CRKL: variants seen among roughly 807,000 people sequenced by gnomAD.
CRKL encodes the protein CRK like proto-oncogene, adaptor protein, also known as crk-like protein.
A neutral mutation model predicts 23.0 loss-of-function variants in CRKL; 3 were observed. That is an observed-to-expected ratio of 0.13 (90% confidence interval 0.06 to 0.34). The LOEUF (loss-of-function observed/expected upper bound fraction) is 0.34, where lower values mean the gene tolerates loss of function less well. Ranked by LOEUF, CRKL falls within the 10% of genes least tolerant of loss-of-function variation. CRKL has a pLI of 1.00. For synonymous variants in CRKL, 188 were observed against 160.7 expected, an observed-to-expected ratio of 1.17 and a Z score of -1.28; for missense variants, 256 against 394.5, an observed-to-expected ratio of 0.65 and a Z score of 2.97.
At chr22:20,921,642 A>AAAAG (rs952300095) in intron 1 of CRKL, among the ~76,000 whole-genome samples, 12 of 152,254 alleles carry the variant, frequency 7.9e-5, no homozygotes, top group Admixed American at 5.9e-4. Context: ...AAGTTTAGGG[A>AAAAG]AAAGCTTATG....
chr22:20,941,519 G>GTATA (rs71186699), intron 2 of CRKL, among the ~76,000 whole-genome samples: 2 of 21,720 alleles, frequency 9.2e-5, no homozygotes, highest in African/African-American at 1.7e-4. Context: ...TTGTGTATGT[G>GTATA]TATATATATA....
rs2147906249 is a variant in CRKL, at chr22:20,934,264, G to A, written c.777+20G>A. The A allele has an allele frequency of 1.3e-6, 2 of 1,577,258 alleles. No individual in the cohort carries two copies. Among genetic ancestry groups the A allele is most frequent in the East Asian group, 2.3e-5 (1 of 44,406 alleles). On this transcript the variant is annotated intron_variant, in intron 2 of 2. Transcript: ENST00000354336. ...TTAGAGGTAAAATCTGTTCAGATTA[G>A]CTTTTTGGGTCCTTTGACATTTGGT...
intron 1 of CRKL, among the ~76,000 whole-genome samples, chr22:20,919,897 G>A (rs1299819011): frequency 6.6e-6 from 1 of 151,948 alleles, no homozygotes; most frequent in Non-Finnish European, 1.5e-5. Flanking sequence ...GAACTAAATG[G>A]ACTTTAAAAG....
Position 20,937,749 on chromosome 22 carries a change from GGTTT to G in CRKL, c.777+3511_777+3514del, listed in dbSNP as rs1314333340. On this transcript the variant is annotated intron_variant, in intron 2 of 2. Transcript: ENST00000354336. Reference sequence around the variant, plus strand: ...CCCAGCCAGCTGAGCTTCAGCCAAGGGTTTGTTTGGTGCTTGACTGAGAGAGAAT... The same window carrying G: ...CCCAGCCAGCTGAGCTTCAGCCAAGGGTTTGGTGCTTGACTGAGAGAGAAT... Among the ~76,000 whole-genome samples the G allele has an allele frequency of 3.8e-4, 58 of 152,046 alleles. 1 individual carries two copies. The highest frequency in any genetic ancestry group is 2.2e-4 in the Non-Finnish European group (15 of 68,002).
In CRKL at chr22:20,948,730, G is replaced by C. The variant is rs140919569; in HGVS notation, c.778-981G>C. Among the ~76,000 whole-genome samples the C allele has an allele frequency of 1.7e-3, 266 of 152,194 alleles. 4 individuals are homozygous for C. In the East Asian group the frequency reaches 0.045, roughly 25 times the overall value. On this transcript the variant is annotated intron_variant, in intron 2 of 2. Transcript: ENST00000354336. ...GCGCCGGCTGGTCTCAAACTCCTGG[G>C]CTCAAGCAGTCCTCCCACCTCAGTC... is the stretch of plus-strand genomic sequence containing the variant.
chr22:20,925,901 G>C (rs892144559), intron 1 of CRKL, among the ~76,000 whole-genome samples: 2 of 152,174 alleles, frequency 1.3e-5, no homozygotes, highest in African/African-American at 4.8e-5. Flanking sequence ...CTCACTGCTA[G>C]ACTCTTGGAA....
At chr22:20,936,313 C>T (rs1411997542) in intron 2 of CRKL, among the ~76,000 whole-genome samples, 1 of 152,068 alleles carries the variant, frequency 6.6e-6, no homozygotes, top group African/African-American at 2.4e-5. Context: ...GGGTATTTTT[C>T]CATAGGTTGT....
Position 20,953,489 on chromosome 22 carries a change from C to T in CRKL, c.*3644C>T. The T allele has an allele frequency of 4.3e-6, 1 of 231,186 alleles. No individual in the cohort carries two copies. 14.3% of individuals were successfully genotyped at this position (231,186 alleles called of 1,614,324 possible). A position where few individuals can be genotyped will look rare whatever the true frequency, so the allele number is the denominator to read the frequency against. On this transcript the variant is annotated 3_prime_UTR_variant, in exon 3 of 3. Coordinates refer to ENST00000354336, the MANE Select transcript of CRKL (RefSeq NM_005207.4). ...TGACCTGTAACTTAAAGATCATAAA[C>T]TTCAGGCAATAATATTTTCTGTGTA...
At position 20,949,862 on chromosome 22, in the gene CRKL, T is replaced by C. The variant is rs1385985046; in HGVS notation, c.*17T>C. On this transcript the variant is annotated 3_prime_UTR_variant, in exon 3 of 3. Transcript: ENST00000354336. ...AACGAGTGATTGCTGTTGCCCTGTTTCCTGCTGCTTTGTTGTTCTGCCTGT... is the reference window on the plus strand; with the variant it reads ...AACGAGTGATTGCTGTTGCCCTGTTCCCTGCTGCTTTGTTGTTCTGCCTGT... The C allele has an allele frequency of 6.3e-7, 1 of 1,597,458 alleles. No homozygotes were observed. The highest frequency in any genetic ancestry group is 1.8e-5 in the Admixed American group (1 of 55,760).
Position 20,952,503 on chromosome 22 carries a change from T to C in CRKL, c.*2658T>C. The C allele has an allele frequency of 4.3e-6, 1 of 231,692 alleles. No individual in the cohort carries two copies. Among genetic ancestry groups the C allele is most frequent in the Non-Finnish European group, 8.6e-6 (1 of 116,834 alleles). The allele number at this position is 231,692 out of a possible 1,614,324, so 14.4% of individuals were successfully genotyped here. On this transcript the variant is annotated 3_prime_UTR_variant, in exon 3 of 3. Transcript: ENST00000354336. ...AACGGACTTACAACCTTGTCAGTTT[T>C]TTTAATGAGGCAGGGATACTCTGTT...
At chr22:20,927,003 T>A (rs1921227973) in intron 1 of CRKL, among the ~76,000 whole-genome samples, 1 of 148,318 alleles carries the variant, frequency 6.7e-6, no homozygotes, top group South Asian at 2.1e-4. Context: ...TCCCAGCTAC[T>A]CGGGAGGCTG....
chr22:20,933,541 G>A (rs1397474369), intron 1 of CRKL, among the ~76,000 whole-genome samples: 3 of 151,524 alleles, frequency 2.0e-5, no homozygotes, highest in African/African-American at 4.9e-5. Flanking sequence ...GGTAGTGGGC[G>A]CCTGTAATCC....
In CRKL at chr22:20,950,478, A is replaced by G. The variant is rs571739083; in HGVS notation, c.*633A>G. 1.2e-3 allele frequency: 287 copies of G among 231,758 alleles called. 3 individuals carry two copies. The highest frequency in any genetic ancestry group is 6.0e-3 in the African/African-American group (271 of 45,312). The allele number at this position is 231,758 out of a possible 1,614,324, so 14.4% of individuals were successfully genotyped here. ...ACCCAGGCTGGAGTGCAGTGGCGCA[A>G]TCTCGCCTTCCTGCAGTCTCCGCCT... On this transcript the variant is annotated 3_prime_UTR_variant, in exon 3 of 3. Coordinates refer to ENST00000354336, the MANE Select transcript of CRKL (RefSeq NM_005207.4).
At chr22:20,929,530 C>G (rs924293892) in intron 1 of CRKL, among the ~76,000 whole-genome samples, 1 of 151,936 alleles carries the variant, frequency 6.6e-6, no homozygotes, top group Non-Finnish European at 1.5e-5. Context: ...GTGGCATGAT[C>G]TCAGCTCACT....
intron 1 of CRKL, among the ~76,000 whole-genome samples, chr22:20,925,091 G>A (rs1921148157): frequency 6.7e-6 from 1 of 148,854 alleles, no homozygotes; most frequent in African/African-American, 2.5e-5. Context: ...CGGAGGTTGA[G>A]ACAGGAGAAT....
chr22:20,922,292 A>G (rs1279535659), intron 1 of CRKL, among the ~76,000 whole-genome samples: 1 of 152,028 alleles, frequency 6.6e-6, no homozygotes, highest in Non-Finnish European at 1.5e-5. Flanking sequence ...AAGTGCTGGG[A>G]TTACAGATGT....
chr22:20,921,929 C>T (rs536378053), intron 1 of CRKL, among the ~76,000 whole-genome samples: 7 of 149,888 alleles, frequency 4.7e-5, no homozygotes, highest in African/African-American at 1.7e-4. Flanking sequence ...AGGATAGTCT[C>T]GATCTCCTAA....
At chr22:20,942,884 C>A (rs1052752999) in intron 2 of CRKL, among the ~76,000 whole-genome samples, 3 of 152,148 alleles carry the variant, frequency 2.0e-5, no homozygotes, top group Non-Finnish European at 4.4e-5. Flanking sequence ...TCCCAAAGTG[C>A]TGGGATTATA....
intron 1 of CRKL, among the ~76,000 whole-genome samples, chr22:20,923,926 C>T (rs1921092997): frequency 6.6e-6 from 1 of 151,764 alleles, no homozygotes. Context: ...GTGGCTCGTG[C>T]CTGTAATCCC....
Sources: allele counts gnomAD v4.1 joint callset (sites outside exome capture counted in the v4.1 genomes callset), GRCh38; gene constraint gnomAD v4.1.1; transcripts MANE v1.5; gene names NCBI Gene and HGNC (gene_info 2026-07-23, HGNC 2026-07-21).